Variants in UGT1A4 observed in about 807,000 individuals in gnomAD.
The protein encoded by UGT1A4 is UDP glucuronosyltransferase family 1 member A4.
A neutral mutation model predicts 41.1 loss-of-function variants in UGT1A4; 32 were observed. The ratio of observed to expected loss-of-function variants is 0.78; its 90% CI spans 0.59 to 1.05. UGT1A4 has a LOEUF of 1.05. Among genes scored for constraint, UGT1A4 ranks in the 50% least tolerant of loss-of-function variants. The pLI is 0.00. For synonymous variants in UGT1A4, 283 were observed against 265.1 expected, an observed-to-expected ratio of 1.07 and a Z score of -0.66; for missense variants, 748 against 677.4, an observed-to-expected ratio of 1.10 and a Z score of -1.16.
At chr2:233,749,249 T>C (rs1694152253) in intron 1 of UGT1A4, among the ~76,000 whole-genome samples, 1 of 151,932 alleles carries the variant, frequency 6.6e-6, no homozygotes, top group Non-Finnish European at 1.5e-5. Flanking sequence ...AACCACATGA[T>C]TTTTTTATTG....
rs772339197 is a variant in UGT1A4 at position 233,718,990 on chromosome 2, A to T, written c.170A>T (p.Gln57Leu). Residue 57 changes from glutamine to leucine, a missense_variant, in exon 1 of 5, where the codon CAG (glutamine) becomes CTG (leucine). Coordinates refer to ENST00000373409, the MANE Select transcript of UGT1A4 (RefSeq NM_007120.3). Reference protein sequence around the residue: ...ALRELHARGHQAVVLTPEVNM... With the variant: ...ALRELHARGHLAVVLTPEVNM... ...CGGGAGCTCCATGCCAGAGGCCACC[A>T]GGCGGTGGTCCTCACCCCAGAGGTG... 6.2e-7 allele frequency: 1 copy of T among 1,614,266 alleles called. No homozygotes were observed. The highest frequency in any genetic ancestry group is 8.5e-7 in the Non-Finnish European group (1 of 1,180,046).
At chr2:233,740,329 G>C (rs1400491740) in intron 1 of UGT1A4, among the ~76,000 whole-genome samples, 1 of 151,932 alleles carries the variant, frequency 6.6e-6, no homozygotes, top group Admixed American at 6.5e-5. Context: ...TGCATTTATT[G>C]AGAAAGTTGA....
Position 233,740,697 on chromosome 2 carries a change from G to T in UGT1A4, c.867+21010G>T, listed in dbSNP as rs764928862. The stretch of plus-strand genomic sequence containing the variant: ...TTCCATGGAGGGTGTTCATTTTAGG[G>T]ATTTCAAGAGGGTCATCTTTGCACC... On this transcript the variant is annotated intron_variant, in intron 1 of 4. Coordinates refer to ENST00000373409, the MANE Select transcript of UGT1A4 (RefSeq NM_007120.3). 2.6e-5 allele frequency: 4 copies of T among 151,794 alleles called. No homozygotes were observed. In the East Asian group the frequency reaches 7.7e-4, roughly 29 times the overall value. 9.4% of individuals were successfully genotyped at this position (151,794 alleles called of 1,614,324 possible).
intron 1 of UGT1A4, chr2:233,747,790 A>G (rs1394158635): frequency 2.0e-5 from 32 of 1,613,372 alleles, no homozygotes; most frequent in Non-Finnish European, 2.6e-5. Flanking sequence ...CCTTCCTCCT[A>G]TATTCCTAAG....
chr2:233,765,615 G>A (rs958268372), intron 1 of UGT1A4, among the ~76,000 whole-genome samples: 44 of 151,894 alleles, frequency 2.9e-4, no homozygotes, highest in African/African-American at 1.0e-3. Flanking sequence ...GCGGGGTGAG[G>A]GGTGAGGGGA....
At chr2:233,762,292 A>G (rs1037418079) in intron 1 of UGT1A4, among the ~76,000 whole-genome samples, 1 of 152,236 alleles carries the variant, frequency 6.6e-6, no homozygotes, top group Non-Finnish European at 1.5e-5. Context: ...GAAAGGTGCC[A>G]ACCGAGGTCT....
intron 3 of UGT1A4, 43 bp from the exon 4 acceptor site, chr2:233,768,177 T>A (rs371628620): frequency 6.8e-6 from 11 of 1,613,824 alleles, no homozygotes; most frequent in Non-Finnish European, 9.3e-6. Flanking sequence ...GCTGTGAAAC[T>A]CAGAGATGTA....
chr2:233,738,537 C>G (rs761358623), intron 1 of UGT1A4, among the ~76,000 whole-genome samples: 3 of 152,168 alleles, frequency 2.0e-5, no homozygotes, highest in Non-Finnish European at 2.9e-5. Context: ...GAAGTCCAGG[C>G]TGAGTCTCAG....
intron 1 of UGT1A4, among the ~76,000 whole-genome samples, chr2:233,725,546 T>A (rs1230093464): frequency 2.0e-5 from 3 of 152,124 alleles, no homozygotes; most frequent in Non-Finnish European, 4.4e-5. Flanking sequence ...ATCACAAATA[T>A]TATCCTTTCA....
chr2:233,733,202 C>A (rs1192097385), intron 1 of UGT1A4, among the ~76,000 whole-genome samples: 2 of 152,102 alleles, frequency 1.3e-5, no homozygotes, highest in Non-Finnish European at 2.9e-5. Context: ...CTTAAGGAGA[C>A]TTTGGGCTGA....
At chr2:233,737,195 G>A (rs1395224472) in intron 1 of UGT1A4, among the ~76,000 whole-genome samples, 2 of 152,236 alleles carry the variant, frequency 1.3e-5, no homozygotes, top group African/African-American at 4.8e-5. Flanking sequence ...CCCTTGCTGA[G>A]CTGCGGTGGA....
chr2:233,741,106 A>T (rs1691567607), intron 1 of UGT1A4, among the ~76,000 whole-genome samples: 2 of 151,792 alleles, frequency 1.3e-5, no homozygotes. Context: ...CAGACAATCA[A>T]GCTTTACACT....
chr2:233,729,045 G>T lies in UGT1A4; in HGVS notation c.867+9358G>T. 4.4e-6 allele frequency: 7 copies of T among 1,607,648 alleles called. No homozygotes were observed. In the South Asian group the frequency reaches 7.8e-5, roughly 18 times the overall value. ...ACGTTGATTTGCTAAGTGGCTCAGT[G>T]ACAAGGTAATTAAGATGAAGAAAGC... On this transcript the variant is annotated intron_variant, in intron 1 of 4. Transcript: ENST00000373409.
rs529174964 is a variant in UGT1A4, at chr2:233,763,096, G to C, written c.868-3938G>C. Among the ~76,000 whole-genome samples the C allele has an allele frequency of 2.0e-5, 3 of 152,310 alleles. No individual in the cohort carries two copies. The East Asian group carries it at 5.8e-4, about 29-fold the overall frequency. On this transcript the variant is annotated intron_variant, in intron 1 of 4. Transcript: ENST00000373409. Reference sequence around the variant, plus strand: ...TTGCGTGAGGATGTTTGTAGGAGAGGCACCGAACTTTATCAGCTGCCTTTC... The same window carrying C: ...TTGCGTGAGGATGTTTGTAGGAGAGCCACCGAACTTTATCAGCTGCCTTTC...
chr2:233,738,895 GCAGA>G (rs1690931559), intron 1 of UGT1A4: 1 of 152,264 alleles, frequency 6.6e-6, no homozygotes, highest in Admixed American at 6.5e-5. Context: ...GACCTTTGCA[GCAGA>G]CCCTCCCATC....
At chr2:233,746,687 C>T (rs192486679) in intron 1 of UGT1A4, among the ~76,000 whole-genome samples, 86 of 151,912 alleles carry the variant, frequency 5.7e-4, no homozygotes, top group Non-Finnish European at 1.1e-3. Context: ...AGGGCTCACA[C>T]ATTCCATAAA....
At chr2:233,757,535 A>AATATATATACATATACATACATATAT (rs376887521) in intron 1 of UGT1A4, among the ~76,000 whole-genome samples, 2 of 88,310 alleles carry the variant, frequency 2.3e-5, no homozygotes, top group African/African-American at 1.0e-4. Flanking sequence ...GCCTGTAAGG[A>AATATATATACATATACATACATATAT]ATATATATAT....
intron 1 of UGT1A4, among the ~76,000 whole-genome samples, chr2:233,724,625 A>C: frequency 7.3e-6 from 1 of 136,298 alleles, no homozygotes; most frequent in Non-Finnish European, 1.6e-5. Flanking sequence ...GACGCTCCTC[A>C]CTTCCTAGAT....
chr2:233,744,031 A>G, intron 1 of UGT1A4: 1 of 839,512 alleles, frequency 1.2e-6, no homozygotes. Flanking sequence ...GACGCCCCTT[A>G]TGACGCAGCC....
Sources: gnomAD v4.1 joint callset for allele counts (sites outside exome capture counted in the v4.1 genomes callset) on GRCh38, gnomAD v4.1.1 for gene constraint, MANE v1.5 for transcripts, NCBI Gene and HGNC (gene_info 2026-07-23, HGNC 2026-07-21) for gene names.